The following SLIT3 variants were observed in gnomAD, a reference collection of about 807,000 sequenced individuals.
SLIT3 encodes slit homolog 3 protein.
SLIT3 carries 68 observed loss-of-function variants against 184.0 expected under a neutral mutation model. The observed-to-expected ratio is 0.37, with a 90% CI of 0.30 to 0.45. SLIT3 has a LOEUF of 0.45. SLIT3 is among the 20% of genes least tolerant of loss of function. SLIT3 has a pLI of 1.00. For missense variants in SLIT3, 1,707 were observed against 2,026.0 expected (o/e 0.84, Z 3.02); for synonymous variants, 831 against 828.6 (o/e 1.00, Z -0.05).
chr5:168,806,861 G>C (rs1358748182), intron 8 of SLIT3, among the ~76,000 whole-genome samples: 2 of 152,202 alleles, frequency 1.3e-5, no homozygotes, highest in African/African-American at 4.8e-5. Context: ...GGGGCCCTCA[G>C]AGTCAGTCAC....
intron 4 of SLIT3, among the ~76,000 whole-genome samples, chr5:169,122,767 C>T (rs748729533): frequency 3.3e-5 from 5 of 152,186 alleles, no homozygotes; most frequent in Non-Finnish European, 7.3e-5. Context: ...CTATGACCGA[C>T]CTTTCAACAT....
rs141822718 is a variant in SLIT3 at position 168,786,515 on chromosome 5, G to A, written c.1080-537C>T. 4.3e-3 allele frequency among the ~76,000 whole-genome samples: 654 copies of A among 152,234 alleles called. 1 individual carries two copies. The highest frequency in any genetic ancestry group is 0.015 in the African/African-American group (609 of 41,554). On this transcript the variant is annotated intron_variant, in intron 11 of 35. Coordinates refer to ENST00000519560, the MANE Select transcript of SLIT3 (RefSeq NM_003062.4). ...ACTGCTGAGTCAAGGACTGGCTCTCGGGAAAAACCAGGGAGCTTTGCTGTC... is the reference window on the plus strand; with the variant it reads ...ACTGCTGAGTCAAGGACTGGCTCTCAGGAAAAACCAGGGAGCTTTGCTGTC...
chr5:168,940,910 C>G (rs1326370403), intron 4 of SLIT3, among the ~76,000 whole-genome samples: 1 of 152,246 alleles, frequency 6.6e-6, no homozygotes, highest in Admixed American at 6.5e-5. Flanking sequence ...CCCGTTTCTC[C>G]AGATGCAACC....
At chr5:168,887,268 C>T (rs534437125) in intron 4 of SLIT3, among the ~76,000 whole-genome samples, 21 of 152,202 alleles carry the variant, frequency 1.4e-4, no homozygotes, top group Non-Finnish European at 2.4e-4. Context: ...TTGTCTTGGT[C>T]ACATTCATGC....
intron 4 of SLIT3, among the ~76,000 whole-genome samples, chr5:169,039,912 C>G (rs1757390491): frequency 6.6e-6 from 1 of 152,222 alleles, no homozygotes; most frequent in Admixed American, 6.5e-5. Context: ...ACTTCACTAT[C>G]CCTTTTAACA....
At chr5:168,964,908 T>G (rs2113297788) in intron 4 of SLIT3, among the ~76,000 whole-genome samples, 1 of 152,310 alleles carries the variant, frequency 6.6e-6, no homozygotes, top group Admixed American at 6.5e-5. Flanking sequence ...CTCTAAAAGA[T>G]AGTAGGTATG....
chr5:168,857,820 C>T (rs776279319), intron 5 of SLIT3, among the ~76,000 whole-genome samples: 5 of 152,176 alleles, frequency 3.3e-5, no homozygotes, highest in Non-Finnish European at 5.9e-5. Context: ...TCTACCAAAG[C>T]GCTCCACGGA....
At chr5:169,171,062 G>C (rs1174058989) in intron 4 of SLIT3, among the ~76,000 whole-genome samples, 7 of 152,208 alleles carry the variant, frequency 4.6e-5, no homozygotes. Context: ...ATCATAAAAG[G>C]TGTGACTGAT....
intron 5 of SLIT3, among the ~76,000 whole-genome samples, chr5:168,856,579 G>C (rs1227319185): frequency 1.3e-5 from 2 of 152,186 alleles, no homozygotes; most frequent in Non-Finnish European, 2.9e-5. Context: ...TAGGCAAAGA[G>C]AATGAGGACG....
At chr5:168,814,518 T>C (rs1443746329) in intron 8 of SLIT3, among the ~76,000 whole-genome samples, 1 of 152,142 alleles carries the variant, frequency 6.6e-6, no homozygotes, top group African/African-American at 2.4e-5. Flanking sequence ...TTGTTGGTGG[T>C]GGCGTGTGGA....
intron 4 of SLIT3, among the ~76,000 whole-genome samples, chr5:169,175,350 G>A (rs1424774872): frequency 6.6e-6 from 1 of 152,132 alleles, no homozygotes. Flanking sequence ...TCAAATCTGC[G>A]GTTTCCCCTC....
chr5:168,670,620 G>C (rs1761208419), intron 34 of SLIT3, among the ~76,000 whole-genome samples: 1 of 152,174 alleles, frequency 6.6e-6, no homozygotes, highest in Non-Finnish European at 1.5e-5. Flanking sequence ...CTCAAACCCT[G>C]TATAGCTGTC....
In SLIT3 at chr5:169,278,164, TAG is replaced by T. The variant is rs1766879210; in HGVS notation, c.197+22347_197+22348del. On this transcript the variant is annotated intron_variant, in intron 1 of 35. Coordinates refer to ENST00000519560, the MANE Select transcript of SLIT3 (RefSeq NM_003062.4). ...GTTGACAGGATCTGGAACTCCCATA[TAG>T]AAGCCTGGCGACACAGAAGAGACCC... is the stretch of plus-strand genomic sequence containing the variant. Among the ~76,000 whole-genome samples, 3 of 152,330 alleles carry T rather than the reference TAG, an allele frequency of 2.0e-5. No homozygotes were observed. The South Asian group carries it at 6.2e-4, about 32-fold the overall frequency.
chr5:168,768,664 C>T (rs1755433581), intron 14 of SLIT3, among the ~76,000 whole-genome samples: 1 of 152,230 alleles, frequency 6.6e-6, no homozygotes, highest in Non-Finnish European at 1.5e-5. Context: ...CCCAATCCCC[C>T]CAACAGCTGA....
chr5:168,837,356 TATAA>T (rs1758087490), intron 6 of SLIT3, among the ~76,000 whole-genome samples: 1 of 152,228 alleles, frequency 6.6e-6, no homozygotes, highest in Non-Finnish European at 1.5e-5. Flanking sequence ...TGAAACATTT[TATAA>T]ATAAATAAAA....
At chr5:169,111,188 C>G (rs761892628) in intron 4 of SLIT3, among the ~76,000 whole-genome samples, 1 of 152,184 alleles carries the variant, frequency 6.6e-6, no homozygotes, top group Non-Finnish European at 1.5e-5. Context: ...CCTTCCCTGC[C>G]CTGGCTCACT....
At chr5:168,827,724 G>C (rs999527445) in intron 6 of SLIT3, among the ~76,000 whole-genome samples, 1 of 152,148 alleles carries the variant, frequency 6.6e-6, no homozygotes, top group Non-Finnish European at 1.5e-5. Context: ...TCAATGCCAG[G>C]GTACTGAGGC....
At chr5:168,972,651 C>T (rs1440756325) in intron 4 of SLIT3, among the ~76,000 whole-genome samples, 4 of 152,114 alleles carry the variant, frequency 2.6e-5, no homozygotes, top group Non-Finnish European at 5.9e-5. Flanking sequence ...CTGGGAAGCA[C>T]TCAGTGTGGA....
At chr5:168,874,186 A>G (rs1759647310) in intron 5 of SLIT3, among the ~76,000 whole-genome samples, 2 of 152,162 alleles carry the variant, frequency 1.3e-5, no homozygotes, top group South Asian at 4.1e-4. Flanking sequence ...AAATTCGTCC[A>G]CAAATCAAAT....
Sources: allele counts gnomAD v4.1 joint callset (sites outside exome capture counted in the v4.1 genomes callset), GRCh38; gene constraint gnomAD v4.1.1; transcripts MANE v1.5; gene names NCBI Gene and HGNC (gene_info 2026-07-23, HGNC 2026-07-21).